Variants in LIPK observed in about 807,000 individuals in gnomAD.
The protein encoded by LIPK is lipase member K.
Under a neutral mutation model 48.6 loss-of-function variants are expected in LIPK, and 32 were observed. That is an observed-to-expected ratio of 0.66 (90% CI 0.50 to 0.88). The LOEUF is 0.88. Among genes scored for constraint, LIPK ranks in the 40% least tolerant of loss-of-function variants. The pLI is 0.00. For missense variants in LIPK, 507 were observed against 478.5 expected (o/e 1.06, Z -0.56); for synonymous variants, 164 against 157.4 (o/e 1.04, Z -0.32).
intron 6 of LIPK, among the ~76,000 whole-genome samples, chr10:88,733,568 T>G (rs1028769100): frequency 5.9e-5 from 9 of 152,236 alleles, no homozygotes; most frequent in Non-Finnish European, 1.3e-4. Context: ...AAAACATGCT[T>G]ACATTGCCTG....
chr10:88,729,230 C>T (rs61853999), intron 3 of LIPK, among the ~76,000 whole-genome samples: 50,466 of 128,380 alleles, frequency 0.39, 9,520 homozygotes, highest in East Asian at 0.61. Context: ...TCTAGCTCCC[C>T]GCAATGCAGG....
intron 9 of LIPK, among the ~76,000 whole-genome samples, chr10:88,746,163 C>A (rs1289784461): frequency 2.0e-5 from 3 of 152,078 alleles, no homozygotes; most frequent in East Asian, 1.9e-4. Context: ...ACTTAGATAA[C>A]CACACAACAA....
At chr10:88,731,274 G>A in intron 4 of LIPK, 93 bp downstream of exon 4, 1 of 1,020,676 alleles carries the variant, frequency 9.8e-7, no homozygotes, top group Non-Finnish European at 1.4e-6. Flanking sequence ...GTGTCCAAAT[G>A]CACCCAATGG....
At chr10:88,718,895 C>G (rs1224482350) in intron 1 of LIPK, among the ~76,000 whole-genome samples, 1 of 152,022 alleles carries the variant, frequency 6.6e-6, no homozygotes, top group Non-Finnish European at 1.5e-5. Context: ...CTTGGCTGCT[C>G]TTATTCTATT....
At chr10:88,742,897 T>A (rs978206846) in intron 8 of LIPK, among the ~76,000 whole-genome samples, 3 of 152,222 alleles carry the variant, frequency 2.0e-5, no homozygotes, top group African/African-American at 4.8e-5. Flanking sequence ...AATGCCTTTT[T>A]AAAAAAATTA....
At chr10:88,742,898 A>T (rs535666471) in intron 8 of LIPK, among the ~76,000 whole-genome samples, 111 of 152,304 alleles carry the variant, frequency 7.3e-4, no homozygotes, top group African/African-American at 2.3e-3. Context: ...ATGCCTTTTT[A>T]AAAAAATTAT....
chr10:88,743,082 G>A (rs1003732283), intron 8 of LIPK, among the ~76,000 whole-genome samples, 168 bp from the exon 9 acceptor site: 1 of 152,130 alleles, frequency 6.6e-6, no homozygotes, highest in African/African-American at 2.4e-5. Flanking sequence ...TGTGAATTAC[G>A]ATAAGATTTA....
At chr10:88,749,777 T>TGCAAAAATTTCATGATAAAGATGCAAA (rs1554826601) in intron 9 of LIPK, among the ~76,000 whole-genome samples, 9 of 152,034 alleles carry the variant, frequency 5.9e-5, no homozygotes, top group South Asian at 4.1e-4. Context: ...ATGCCAAAAG[T>TGCAAAAATTTCATGATAAAGATGCAAA]AATTGCAACA....
chr10:88,727,975 G>C (rs375496704), intron 3 of LIPK: 1 of 343,914 alleles, frequency 2.9e-6, no homozygotes, highest in Non-Finnish European at 5.8e-6. Flanking sequence ...GCGGCAGCTG[G>C]ACACATGGGA....
At chr10:88,724,512 A>G (rs2134715889) in intron 1 of LIPK, 21 bp from the exon 2 acceptor site, 1 of 1,373,604 alleles carries the variant, frequency 7.3e-7, no homozygotes, top group East Asian at 2.4e-5. Flanking sequence ...GATGACAAAT[A>G]TATTAAATTT....
rs747923315 is a variant in LIPK at position 88,732,248 on chromosome 10, C to T, written c.493C>T (p.Arg165Ter). The change falls in exon 5 of 10, where the codon CGA becomes TGA. Residue 165 changes from arginine (R) to a stop codon, truncating the protein, a stop_gained. Coordinates refer to ENST00000404190, the MANE Select transcript of LIPK (RefSeq NM_001080518.2). LOFTEE classifies it high-confidence loss of function. ...NFIIEKTGQK[R>*]LYYVGHSQGT... ...TATCATAGAGAAAACTGGACAGAAG[C>T]GACTCTACTACGTGGGCCACTCACA... 27 of 1,613,784 alleles carry T rather than the reference C, an allele frequency of 1.7e-5. 1 individual carries two copies. The highest frequency in any genetic ancestry group is 8.8e-5 in the South Asian group (8 of 91,046).
intron 1 of LIPK, among the ~76,000 whole-genome samples, chr10:88,709,521 G>A (rs1236599910): frequency 6.6e-6 from 1 of 151,336 alleles, no homozygotes; most frequent in Non-Finnish European, 1.5e-5. Context: ...GTGAGAACAT[G>A]CGGTGTTTGG....
intron 8 of LIPK, among the ~76,000 whole-genome samples, chr10:88,743,012 GA>G (rs1284975934): frequency 1.3e-5 from 2 of 152,118 alleles, no homozygotes; most frequent in East Asian, 3.8e-4. Flanking sequence ...GGATTTAAAT[GA>G]AAAATCTGAG....
At chr10:88,739,109 G>T (rs533437092) in intron 7 of LIPK, among the ~76,000 whole-genome samples, 2 of 152,222 alleles carry the variant, frequency 1.3e-5, no homozygotes, top group African/African-American at 4.8e-5. Context: ...TGTGTGTTTT[G>T]TTTTTGTTTT....
At chr10:88,717,246 A>G (rs1230581063) in intron 1 of LIPK, among the ~76,000 whole-genome samples, 6 of 152,184 alleles carry the variant, frequency 3.9e-5, no homozygotes, top group Non-Finnish European at 7.3e-5. Context: ...TCCCTTCTAG[A>G]TCTTTTCATT....
chr10:88,713,949 CA>C (rs1842069667), intron 1 of LIPK, among the ~76,000 whole-genome samples: 1 of 151,010 alleles, frequency 6.6e-6, no homozygotes, highest in African/African-American at 2.4e-5. Flanking sequence ...GACTCTGTCT[CA>C]AAAAAATAAA....
intron 1 of LIPK, among the ~76,000 whole-genome samples, chr10:88,718,915 T>C (rs1288847970): frequency 6.6e-6 from 1 of 152,172 alleles, no homozygotes; most frequent in Non-Finnish European, 1.5e-5. Context: ...TTGAGAAGTG[T>C]TGGTACAAAA....
At position 88,724,767 on chromosome 10, in the gene LIPK, C is replaced by T; in HGVS notation, c.105+119C>T. 1.8e-5 allele frequency: 12 copies of T among 653,592 alleles called. 1 individual carries two copies. In the South Asian group the frequency reaches 2.5e-4, roughly 14 times the overall value. 40.5% of individuals were successfully genotyped at this position (653,592 alleles called of 1,614,324 possible). A position where few individuals can be genotyped will look rare whatever the true frequency, so the allele number is the denominator to read the frequency against. The stretch of plus-strand genomic sequence containing the variant: ...AATTCCTCCAGTGACTAAGTCTGTG[C>T]TTCCTCTCCTGTTTCTTGATATGGC... On this transcript the variant is annotated intron_variant, in intron 2 of 9. Coordinates refer to ENST00000404190, the MANE Select transcript of LIPK (RefSeq NM_001080518.2).
At chr10:88,736,624 A>G (rs1186190764) in intron 6 of LIPK, among the ~76,000 whole-genome samples, 1 of 152,178 alleles carries the variant, frequency 6.6e-6, no homozygotes, top group Non-Finnish European at 1.5e-5. Context: ...AACTTGCTTT[A>G]TTTATCAATC....
Sources: gnomAD v4.1 joint callset for allele counts (sites outside exome capture counted in the v4.1 genomes callset) on GRCh38, gnomAD v4.1.1 for gene constraint, MANE v1.5 for transcripts, NCBI Gene and HGNC (gene_info 2026-07-23, HGNC 2026-07-21) for gene names.